Variants in ANLN observed in about 807,000 individuals in gnomAD.
The protein encoded by ANLN is anillin.
Under a neutral mutation model 135.1 loss-of-function variants are expected in ANLN, and 59 were observed. That is an observed-to-expected ratio of 0.44 (90% CI 0.35 to 0.54). The LOEUF (loss-of-function observed/expected upper bound fraction) is 0.54, where lower values mean the gene tolerates loss of function less well. Among genes scored for constraint, ANLN ranks in the 20% least tolerant of loss-of-function variants. The pLI, the probability that ANLN is intolerant of heterozygous loss-of-function variation, is 0.00. For missense variants in ANLN, 1,182 were observed against 1,340.0 expected (o/e 0.88, Z 1.84); for synonymous variants, 406 against 456.4 (o/e 0.89, Z 1.41).
intron 8 of ANLN, 44 bp downstream of exon 8, chr7:36,415,928 AATG>A (rs1787622160): frequency 6.9e-7 from 1 of 1,451,330 alleles, no homozygotes; most frequent in Non-Finnish European, 9.3e-7. Context: ...TAGAAACTCA[AATG>A]ATGTTTGTGT....
At chr7:36,396,942 C>T (rs148715511) in intron 2 of ANLN, among the ~76,000 whole-genome samples, 65 of 152,244 alleles carry the variant, frequency 4.3e-4, no homozygotes, top group African/African-American at 1.5e-3. Context: ...CACACACACA[C>T]ATACACACAA....
At chr7:36,391,247 T>C (rs1419482651) in intron 1 of ANLN, among the ~76,000 whole-genome samples, 1 of 152,236 alleles carries the variant, frequency 6.6e-6, no homozygotes, top group Non-Finnish European at 1.5e-5. Context: ...ATGCACCAAG[T>C]ATCTTTCACT....
intron 23 of ANLN, 81 bp from the exon 24 acceptor site, chr7:36,452,395 AT>A: frequency 1.0e-5 from 16 of 1,563,942 alleles, no homozygotes; most frequent in Admixed American, 5.3e-5. Flanking sequence ...TTATTTAGTC[AT>A]TTTTTTCCCT....
chr7:36,420,351 G>A (rs976201382), intron 11 of ANLN, 37 bp downstream of exon 11: 1 of 1,603,894 alleles, frequency 6.2e-7, no homozygotes, highest in Non-Finnish European at 8.5e-7. Context: ...CTCACTAAGG[G>A]TCATGGTTTA....
intron 20 of ANLN, among the ~76,000 whole-genome samples, chr7:36,432,922 G>A (rs1048836670): frequency 9.2e-5 from 14 of 152,084 alleles, no homozygotes; most frequent in Non-Finnish European, 1.5e-4. Context: ...TCCCATCCCA[G>A]TATATTTTAC....
chr7:36,434,122 G>A (rs1229273393), intron 20 of ANLN, among the ~76,000 whole-genome samples: 1 of 152,160 alleles, frequency 6.6e-6, no homozygotes, highest in Non-Finnish European at 1.5e-5. Flanking sequence ...AGTAGAGACT[G>A]AAATAGGTAA....
rs1329104628 is a variant in ANLN, at chr7:36,419,871, T to C, written c.1870-298T>C. The stretch of plus-strand genomic sequence containing the variant: ...ATATCGGTAGTTAGCTCCAAACACA[T>C]GTAACTAACATTTAGTTACAGCTAA... On this transcript the variant is annotated intron_variant, in intron 10 of 23. Transcript: ENST00000265748. Among the ~76,000 whole-genome samples the C allele has an allele frequency of 2.6e-5, 4 of 152,218 alleles. No homozygotes were observed. The East Asian group carries it at 5.8e-4, about 22-fold the overall frequency.
intron 20 of ANLN, among the ~76,000 whole-genome samples, chr7:36,436,522 T>G (rs562597347): frequency 6.6e-6 from 1 of 152,240 alleles, no homozygotes; most frequent in South Asian, 2.1e-4. Context: ...TGATAATTAT[T>G]TTTAGGAACT....
chr7:36,422,595 C>T (rs1285239786), intron 13 of ANLN, 38 bp from the exon 14 acceptor site: 5 of 1,534,620 alleles, frequency 3.3e-6, no homozygotes, highest in East Asian at 2.3e-5. Context: ...GAAACAGTTA[C>T]GATTTTAATA....
intron 15 of ANLN, among the ~76,000 whole-genome samples, chr7:36,424,326 A>G (rs377740092): frequency 3.3e-5 from 5 of 152,292 alleles, no homozygotes; most frequent in African/African-American, 1.2e-4. Flanking sequence ...AAAAATAATT[A>G]CTACTTTTAT....
rs915380550 is a variant in ANLN at position 36,427,000 on chromosome 7, T to C, written c.2855T>C (p.Val952Ala). The change falls in exon 20 of 24, where the codon GTA becomes GCA. Residue 952 changes from valine (V) to alanine (A), a missense_variant. Around this residue, in one of 3 missense-constraint regions of ANLN, gnomAD observed 1,022 missense variants for 1,134.0 expected, o/e 0.90. Coordinates refer to ENST00000265748, the MANE Select transcript of ANLN (RefSeq NM_018685.5). ...VGSYTLSLSSVGNTKFVLDKV... is the reference protein window; with the variant it reads ...VGSYTLSLSSAGNTKFVLDKV... ...TCTTACACATTATCATTGTCTTCAG[T>C]AGGAAATACTAAGTTTGTTCTGGAC... 2.5e-6 allele frequency: 4 copies of C among 1,611,420 alleles called. No homozygotes were observed. The highest frequency in any genetic ancestry group is 3.4e-6 in the Non-Finnish European group (4 of 1,178,760).
intron 7 of ANLN, among the ~76,000 whole-genome samples, chr7:36,412,306 A>AATATATATATATATATATATATAT (rs60215077): frequency 1.9e-5 from 2 of 102,678 alleles, no homozygotes; most frequent in African/African-American, 7.3e-5. Flanking sequence ...CTGCCAGAGA[A>AATATATATATATATATATATATAT]ATATATATAT....
At chr7:36,432,948 C>G (rs897477191) in intron 20 of ANLN, among the ~76,000 whole-genome samples, 1 of 152,008 alleles carries the variant, frequency 6.6e-6, no homozygotes, top group African/African-American at 2.4e-5. Flanking sequence ...TGTTATAAAC[C>G]ACACAATGCA....
chr7:36,422,562 CTT>C (rs1318482304), intron 13 of ANLN, 69 bp from the exon 14 acceptor site: 12 of 1,381,816 alleles, frequency 8.7e-6, no homozygotes, highest in Non-Finnish European at 1.2e-5. Context: ...TATCAGTACA[CTT>C]TTTTGAATTT....
intron 1 of ANLN, among the ~76,000 whole-genome samples, chr7:36,393,184 T>G (rs1180872568): frequency 6.6e-6 from 1 of 152,028 alleles, no homozygotes; most frequent in African/African-American, 2.4e-5. Flanking sequence ...CCACCATAAC[T>G]GGCTAATTTT....
At position 36,411,112 on chromosome 7, in the gene ANLN, A is replaced by G. The variant is rs758723851; in HGVS notation, c.1341A>G (p.Ile447Met). Residue 447 changes from isoleucine (I) to methionine (M), a missense_variant, in exon 7 of 24, where the codon ATA (isoleucine) becomes ATG (methionine). Around this residue, in one of 3 missense-constraint regions of ANLN, gnomAD observed 1,022 missense variants for 1,134.0 expected, o/e 0.90. Transcript: ENST00000265748. ...CLRGRFDKGNIWSAEKGGNSK... is the reference protein window; with the variant it reads ...CLRGRFDKGNMWSAEKGGNSK... Reference sequence around the variant, plus strand: ...GTGGCCGATTTGACAAGGGCAATATATGGAGTGCAGAAAAAGGCGGAAACT... The same window carrying G: ...GTGGCCGATTTGACAAGGGCAATATGTGGAGTGCAGAAAAAGGCGGAAACT... 4.3e-6 allele frequency: 7 copies of G among 1,612,440 alleles called. No individual in the cohort carries two copies. The highest frequency in any genetic ancestry group is 5.9e-6 in the Non-Finnish European group (7 of 1,179,690).
rs142541340 is a variant in ANLN at position 36,411,272 on chromosome 7, A to G, written c.1395+106A>G. The G allele has an allele frequency of 5.1e-4, 433 of 844,982 alleles. No homozygotes were observed. The East Asian group carries it at 7.7e-3, about 15-fold the overall frequency. The allele number at this position is 844,982 out of a possible 1,614,324, so 52.3% of individuals were successfully genotyped here. Reference sequence around the variant, plus strand: ...ATTCTTTACACATTTTTCTTTTCCAATTAACTCTGTCACTTTTCGTTTATA... The same window carrying G: ...ATTCTTTACACATTTTTCTTTTCCAGTTAACTCTGTCACTTTTCGTTTATA... On this transcript the variant is annotated intron_variant, in intron 7 of 23. Transcript: ENST00000265748.
intron 22 of ANLN, among the ~76,000 whole-genome samples, chr7:36,444,134 A>G (rs1359022976): frequency 6.6e-6 from 1 of 152,176 alleles, no homozygotes; most frequent in Non-Finnish European, 1.5e-5. Context: ...TGCTAAAAAT[A>G]CAAAAATTAG....
At chr7:36,410,984 G>C in intron 6 of ANLN, 75 bp from the exon 7 acceptor site, 1 of 1,391,196 alleles carries the variant, frequency 7.2e-7, no homozygotes, top group Non-Finnish European at 9.8e-7. Context: ...CTGCAAACAA[G>C]GAAAATTTTA....
Sources: gnomAD v4.1 joint callset for allele counts (sites outside exome capture counted in the v4.1 genomes callset) on GRCh38, gnomAD v4.1.1 for gene constraint, gnomAD v4.1.1 regional missense constraint, MANE v1.5 for transcripts, NCBI Gene and HGNC (gene_info 2026-07-23, HGNC 2026-07-21) for gene names.